Variants in OTOF observed in about 807,000 individuals in gnomAD.
OTOF encodes the protein otoferlin, also known as fer-1-like family member 2.
In OTOF, 218 loss-of-function variants were observed where a neutral mutation model predicts 236.8. The observed-to-expected ratio is 0.92, with a 90% CI of 0.82 to 1.03. The LOEUF is 1.03. OTOF is among the 50% of genes least tolerant of loss of function. The pLI is 0.00. For synonymous variants in OTOF, 1,041 were observed against 1,072.5 expected (o/e 0.97, Z 0.57); for missense variants, 2,590 against 2,694.4 (o/e 0.96, Z 0.86).
chr2:26,482,989 G>C (rs919868793), intron 13 of OTOF, among the ~76,000 whole-genome samples: 2 of 123,748 alleles, frequency 1.6e-5, no homozygotes, highest in African/African-American at 5.8e-5. Flanking sequence ...GCGTGTGTGA[G>C]TGGGTGCATG....
intron 15 of OTOF, 57 bp from the exon 16 acceptor site, chr2:26,480,368 G>A (rs530465810): frequency 1.5e-5 from 16 of 1,049,970 alleles, no homozygotes; most frequent in South Asian, 7.5e-5. Context: ...CAGGTCGGGG[G>A]CCAGGCCTCC....
intron 9 of OTOF, 73 bp from the exon 10 acceptor site, chr2:26,489,813 C>T (rs1665796450): frequency 4.2e-6 from 5 of 1,185,830 alleles, no homozygotes; most frequent in Non-Finnish European, 6.3e-6. Flanking sequence ...TGGGCCCCTC[C>T]CTCCTCGCAG....
chr2:26,495,787 C>T (rs984636189), intron 8 of OTOF, among the ~76,000 whole-genome samples: 12 of 152,318 alleles, frequency 7.9e-5, no homozygotes, highest in South Asian at 4.1e-4. Context: ...TCCCCAGCGT[C>T]GATGGCTCTG....
chr2:26,493,628 C>T (rs535388736), intron 9 of OTOF, among the ~76,000 whole-genome samples: 26 of 152,278 alleles, frequency 1.7e-4, no homozygotes, highest in African/African-American at 5.5e-4. Flanking sequence ...ATGCAACAAA[C>T]CACACGGCTC....
In OTOF at chr2:26,489,734, C is replaced by T. The variant is rs147435768; in HGVS notation, c.904G>A (p.Val302Ile). ...TCCGGAGAGACATGGAAGTCGAAGACGAAGTACTGGAGGGGGAAGGATCCA... is the reference window on the plus strand; with the variant it reads ...TCCGGAGAGACATGGAAGTCGAAGATGAAGTACTGGAGGGGGAAGGATCCA... The part of the protein sequence containing the change: ...TNCPYYNEYF[V>I]FDFHVSPDVM... Residue 302 changes from valine to isoleucine, a missense_variant, in exon 10 of 47, where the codon GTC becomes ATC. Val to Ile is a conservative substitution (Grantham distance 29). Transcript: ENST00000272371. 41 of 1,612,530 alleles carry T rather than the reference C, an allele frequency of 2.5e-5. No homozygotes were observed. Among genetic ancestry groups the T allele is most frequent in the East Asian group, 6.7e-5 (3 of 44,900 alleles).
At chr2:26,541,636 G>A (rs1396615767) in intron 1 of OTOF, among the ~76,000 whole-genome samples, 1 of 152,180 alleles carries the variant, frequency 6.6e-6, no homozygotes, top group Non-Finnish European at 1.5e-5. Flanking sequence ...AAGTGATCAG[G>A]GGGATGACTA....
chr2:26,555,088 G>GT (rs1667554580), intron 1 of OTOF, among the ~76,000 whole-genome samples: 1 of 152,198 alleles, frequency 6.6e-6, no homozygotes, highest in South Asian at 2.1e-4. Flanking sequence ...CACACCCTGC[G>GT]TTCTGTGGCT....
intron 6 of OTOF, among the ~76,000 whole-genome samples, chr2:26,503,007 G>A (rs890305115): frequency 1.3e-5 from 2 of 152,180 alleles, no homozygotes; most frequent in African/African-American, 4.8e-5. Flanking sequence ...GCTGGGTTTG[G>A]TCCTCAGCCA....
In OTOF at chr2:26,477,175, G is replaced by C. The variant is rs147061068; in HGVS notation, c.2520C>G (p.Asp840Glu). ...GCCCCGACCCCTTGGGCCGCACCTC[G>C]TCCGCCAGGAAGCGCAGCTTCTGCA... ...NFLQKLRFLA[D>E]EPQHSIPDIF... Residue 840 changes from aspartate (D) to glutamate (E), a missense_variant, in exon 21 of 47, where the codon GAC becomes GAG. Asp to Glu is a conservative substitution (Grantham distance 45). Coordinates refer to ENST00000272371, the MANE Select transcript of OTOF (RefSeq NM_194248.3). The surrounding 1 kb of genome is among the most constrained non-coding windows in gnomAD (Gnocchi z 4.7). The C allele has an allele frequency of 3.7e-6, 6 of 1,609,702 alleles. No homozygotes were observed. The highest frequency in any genetic ancestry group is 5.1e-6 in the Non-Finnish European group (6 of 1,179,124).
chr2:26,505,145 A>G (rs1666216231), intron 5 of OTOF, among the ~76,000 whole-genome samples: 1 of 152,184 alleles, frequency 6.6e-6, no homozygotes, highest in Admixed American at 6.5e-5. Context: ...GTTCATATGC[A>G]GGACAAAGCA....
chr2:26,496,933 C>G (rs1666000169), intron 8 of OTOF, among the ~76,000 whole-genome samples: 2 of 152,082 alleles, frequency 1.3e-5, no homozygotes, highest in South Asian at 4.1e-4. Flanking sequence ...TGAGTGACCC[C>G]AACAGAATCT....
rs752276836 is a variant in OTOF, at chr2:26,464,887, C to T, written c.4942G>A (p.Glu1648Lys). 6.2e-7 allele frequency: 1 copy of T among 1,603,100 alleles called. No homozygotes were observed. Among genetic ancestry groups the T allele is most frequent in the Non-Finnish European group, 8.5e-7 (1 of 1,174,486 alleles). The stretch of plus-strand genomic sequence containing the variant: ...CCATTACCGTTCTCGTCCTCAATCT[C>T]AGAGGGCCCAGTGAAGACGCGGTTG... ...VANRVFTGPSEIEDENGQRKP... is the reference protein window; with the variant it reads ...VANRVFTGPSKIEDENGQRKP... The change falls in exon 39 of 47, where the codon GAG (glutamate) becomes AAG (lysine). Residue 1648 changes from glutamate (E) to lysine (K), a missense_variant. By Grantham distance (56) the Glu-to-Lys change is moderately conservative. Coordinates refer to ENST00000272371, the MANE Select transcript of OTOF (RefSeq NM_194248.3).
intron 3 of OTOF, among the ~76,000 whole-genome samples, chr2:26,527,620 G>A (rs1320614278): frequency 6.6e-6 from 1 of 152,238 alleles, no homozygotes; most frequent in Non-Finnish European, 1.5e-5. Flanking sequence ...GCTGACAGCA[G>A]CTGGGAGAAC....
Position 26,457,829 on chromosome 2 carries a change from C to T in OTOF, c.*409G>A. The T allele has an allele frequency of 1.7e-6, 1 of 575,798 alleles. No individual in the cohort carries two copies. Among genetic ancestry groups the T allele is most frequent in the Admixed American group, 3.1e-5 (1 of 32,446 alleles). 35.7% of individuals were successfully genotyped at this position (575,798 alleles called of 1,614,324 possible). A position where few individuals can be genotyped will look rare whatever the true frequency, so the allele number is the denominator to read the frequency against. On this transcript the variant is annotated 3_prime_UTR_variant, in exon 47 of 47. Transcript: ENST00000272371. This position sits in a 1 kb window ranked among gnomAD's most constrained non-coding sequence, Gnocchi z 4.4. ...CCACCCCATCCAAGGCTCCCCAGCC[C>T]ACAGGCAGGGGTCAGAGGGGCGGGA...
At chr2:26,479,852 T>A (rs555392334) in intron 16 of OTOF, among the ~76,000 whole-genome samples, 199 bp from the exon 17 acceptor site, 2 of 152,240 alleles carry the variant, frequency 1.3e-5, no homozygotes, top group Non-Finnish European at 2.9e-5. Context: ...TCATGACGCC[T>A]GAGTGCGAGG....
In OTOF at chr2:26,537,701, T is replaced by C; in HGVS notation, c.138+15A>G. ...GGCTCAGGGCTGAGGGAGGGGGGAG[T>C]CTTGGGCCTCCTACCTCATCAAAGT... On this transcript the variant is annotated intron_variant, in intron 2 of 46. Transcript: ENST00000272371. 1 of 1,546,346 alleles carries C rather than the reference T, an allele frequency of 6.5e-7. No individual in the cohort carries two copies. Among genetic ancestry groups the C allele is most frequent in the Non-Finnish European group, 8.8e-7 (1 of 1,142,774 alleles).
rs1234257065 is a variant in OTOF, at chr2:26,462,711, C to T, written c.5193-530G>A. On this transcript the variant is annotated intron_variant, in intron 41 of 46. Transcript: ENST00000272371. This position sits in a 1 kb window ranked among gnomAD's most constrained non-coding sequence, Gnocchi z 4.7. ...CCCTGGAACAGCTGACTCATGGCCT[C>T]AGGTTTCCAGGACATTCCTGGCAGA... Among the ~76,000 whole-genome samples the T allele has an allele frequency of 6.6e-6, 1 of 152,204 alleles. No homozygotes were observed. Among genetic ancestry groups the T allele is most frequent in the Admixed American group, 6.5e-5 (1 of 15,286 alleles).
At chr2:26,486,267 T>C (rs1665698092) in intron 11 of OTOF, among the ~76,000 whole-genome samples, 2 of 109,306 alleles carry the variant, frequency 1.8e-5, no homozygotes, top group Non-Finnish European at 3.6e-5. Context: ...GGTGGGTGGA[T>C]GGATGGATAT....
Position 26,515,189 on chromosome 2 carries a change from A to C in OTOF, c.509+1229T>G, listed in dbSNP as rs151006458. Among the ~76,000 whole-genome samples the C allele has an allele frequency of 3.1e-3, 470 of 152,348 alleles. 2 individuals carry two copies. Among genetic ancestry groups the C allele is most frequent in the African/African-American group, 0.01 (430 of 41,578 alleles). On this transcript the variant is annotated intron_variant, in intron 5 of 46. Coordinates refer to ENST00000272371, the MANE Select transcript of OTOF (RefSeq NM_194248.3). ...GAGGAGAGAGGGTCAGAGACTTGCC[A>C]AGGGTCACACGACTAGTAAGAGGCA...
Sources: gnomAD v4.1 joint callset for allele counts (sites outside exome capture counted in the v4.1 genomes callset) on GRCh38, gnomAD v4.1.1 for gene constraint, Gnocchi (gnomAD v3.1) non-coding constraint, MANE v1.5 for transcripts, NCBI Gene and HGNC (gene_info 2026-07-23, HGNC 2026-07-21) for gene names.